The following CACNA2D1 variants were observed in gnomAD, a reference collection of about 807,000 sequenced individuals.
The protein encoded by CACNA2D1 is voltage-dependent calcium channel subunit alpha-2/delta-1.
A neutral mutation model predicts 171.5 loss-of-function variants in CACNA2D1; 53 were observed. That is an observed-to-expected ratio of 0.31 (90% confidence interval 0.25 to 0.39). CACNA2D1 has a LOEUF of 0.39. Among genes scored for constraint, CACNA2D1 ranks in the 10% least tolerant of loss-of-function variants. The pLI, the probability that CACNA2D1 is intolerant of heterozygous loss-of-function variation, is 1.00. For synonymous variants in CACNA2D1, 442 were observed against 443.1 expected (o/e 1.00, Z 0.03); for missense variants, 903 against 1,299.8 (o/e 0.69, Z 4.69).
rs546184227 is a variant in CACNA2D1, at chr7:82,249,530, C to T, written c.295-78921G>A. 3.3e-5 allele frequency among the ~76,000 whole-genome samples: 5 copies of T among 152,294 alleles called. No homozygotes were observed. In the South Asian group the frequency reaches 1.0e-3, roughly 32 times the overall value. On this transcript the variant is annotated intron_variant, in intron 3 of 38. Coordinates refer to ENST00000356860, the MANE Select transcript of CACNA2D1 (RefSeq NM_000722.4). ...AGAAAGACATTTCCTTGGTTCTTAA[C>T]TTCTTCATATGTTAGCATTATCTTT... is the stretch of plus-strand genomic sequence containing the variant.
chr7:82,405,646 A>T (rs1284410657), intron 1 of CACNA2D1, among the ~76,000 whole-genome samples: 1 of 152,190 alleles, frequency 6.6e-6, no homozygotes, highest in Non-Finnish European at 1.5e-5. Context: ...TATTAAAAAA[A>T]TGCAAATTAT....
rs974164305 is a variant in CACNA2D1, at chr7:82,429,058, T to A, written c.95+14307A>T. On this transcript the variant is annotated intron_variant, in intron 1 of 38. Coordinates refer to ENST00000356860, the MANE Select transcript of CACNA2D1 (RefSeq NM_000722.4). ...AAGTAAAATAATCAGCAGTTATATA[T>A]CACATCCACTTTGATGTTTCAGTTA... 4.6e-5 allele frequency among the ~76,000 whole-genome samples: 7 copies of A among 152,322 alleles called. No individual in the cohort carries two copies. In the East Asian group the frequency reaches 1.4e-3, roughly 29 times the overall value.
chr7:82,087,114 G>C (rs757040706), intron 6 of CACNA2D1, among the ~76,000 whole-genome samples: 1 of 152,136 alleles, frequency 6.6e-6, no homozygotes, highest in Non-Finnish European at 1.5e-5. Flanking sequence ...CAGAATGAAA[G>C]TATTGGCATT....
At chr7:82,273,569 C>G (rs1808918587) in intron 3 of CACNA2D1, among the ~76,000 whole-genome samples, 1 of 151,998 alleles carries the variant, frequency 6.6e-6, no homozygotes, top group Non-Finnish European at 1.5e-5. Flanking sequence ...CACACTGAGG[C>G]CTTGAACTCC....
intron 3 of CACNA2D1, among the ~76,000 whole-genome samples, chr7:82,328,216 G>A (rs1188237048): frequency 6.6e-6 from 1 of 152,090 alleles, no homozygotes; most frequent in African/African-American, 2.4e-5. Flanking sequence ...CAGACTCAAA[G>A]GCCTGGATAA....
At chr7:82,117,271 A>C in intron 5 of CACNA2D1, 98 bp from the exon 6 acceptor site, 1 of 1,164,224 alleles carries the variant, frequency 8.6e-7, no homozygotes, top group South Asian at 1.3e-5. Flanking sequence ...TTTTCAAAAA[A>C]TAAATCTACA....
intron 10 of CACNA2D1, among the ~76,000 whole-genome samples, chr7:82,054,662 G>C (rs956388363): frequency 6.6e-6 from 1 of 152,126 alleles, no homozygotes; most frequent in Non-Finnish European, 1.5e-5. Context: ...ATACCAACCA[G>C]TGTTCTTAGT....
At position 82,048,213 on chromosome 7, in the gene CACNA2D1, C is replaced by A. The variant is rs578008153; in HGVS notation, c.880-9978G>T. ...TCAATTTAACTCAGTTCCACTGAGA[C>A]AAATTATATACATCTGGAAAACTTA... On this transcript the variant is annotated intron_variant, in intron 10 of 38. Coordinates refer to ENST00000356860, the MANE Select transcript of CACNA2D1 (RefSeq NM_000722.4). Among the ~76,000 whole-genome samples the A allele has an allele frequency of 3.3e-5, 5 of 151,804 alleles. No homozygotes were observed. The South Asian group carries it at 8.3e-4, about 25-fold the overall frequency.
intron 6 of CACNA2D1, among the ~76,000 whole-genome samples, chr7:82,111,841 T>C (rs1788516053): frequency 6.6e-6 from 1 of 152,170 alleles, no homozygotes; most frequent in Non-Finnish European, 1.5e-5. Flanking sequence ...ATATAATCCA[T>C]ATTATTTTGT....
intron 3 of CACNA2D1, among the ~76,000 whole-genome samples, chr7:82,268,418 T>C (rs1430200363): frequency 2.0e-5 from 3 of 152,198 alleles, no homozygotes; most frequent in African/African-American, 2.4e-5. Flanking sequence ...GCAAAGGTAT[T>C]ACGGAGAGAA....
At chr7:81,986,583 G>A (rs1012312073) in intron 21 of CACNA2D1, among the ~76,000 whole-genome samples, 7 of 151,770 alleles carry the variant, frequency 4.6e-5, no homozygotes, top group Non-Finnish European at 1.0e-4. Flanking sequence ...AAAAGCAAGG[G>A]TTTATTTGCT....
intron 3 of CACNA2D1, among the ~76,000 whole-genome samples, chr7:82,312,060 A>G (rs1192210842): frequency 2.0e-5 from 3 of 152,204 alleles, no homozygotes; most frequent in Non-Finnish European, 2.9e-5. Context: ...AAAGTCTAAT[A>G]TGAAATTTCA....
intron 12 of CACNA2D1, among the ~76,000 whole-genome samples, chr7:82,030,227 C>A (rs1251259332): frequency 6.6e-6 from 1 of 151,514 alleles, no homozygotes; most frequent in Non-Finnish European, 1.5e-5. Flanking sequence ...AAGCTTTAAA[C>A]CCATAAATTC....
intron 3 of CACNA2D1, among the ~76,000 whole-genome samples, chr7:82,279,518 G>A (rs1213390161): frequency 2.0e-5 from 3 of 152,006 alleles, no homozygotes; most frequent in Non-Finnish European, 2.9e-5. Flanking sequence ...CTTCATCATC[G>A]ACTATTAATA....
rs1190840978 is a variant in CACNA2D1 at position 82,016,619 on chromosome 7, CCCCA to C, written c.1144-2144_1144-2141del. ...TAAACACTAGCCGCCCGCCCCCCCC[CCCCA>C]AAAAAAAAGCTTGTTGCTTTATTTA... On this transcript the variant is annotated intron_variant, in intron 12 of 38. Coordinates refer to ENST00000356860, the MANE Select transcript of CACNA2D1 (RefSeq NM_000722.4). 1.7e-3 allele frequency among the ~76,000 whole-genome samples: 214 copies of C among 124,500 alleles called. 6 individuals carry two copies. The highest frequency in any genetic ancestry group is 5.4e-3 in the African/African-American group (188 of 34,538). The allele number at this position is 124,500 out of a possible 152,430, so 81.7% of individuals were successfully genotyped here. A position where few individuals can be genotyped will look rare whatever the true frequency, so the allele number is the denominator to read the frequency against.
intron 1 of CACNA2D1, among the ~76,000 whole-genome samples, chr7:82,415,837 T>C (rs1213854282): frequency 7.4e-6 from 1 of 135,728 alleles, no homozygotes; most frequent in African/African-American, 2.8e-5. Flanking sequence ...GATCAGTATG[T>C]GTACACATAG....
chr7:82,280,326 A>G (rs556588787), intron 3 of CACNA2D1, among the ~76,000 whole-genome samples: 2 of 152,334 alleles, frequency 1.3e-5, no homozygotes, highest in African/African-American at 4.8e-5. Flanking sequence ...AAGTACTGAC[A>G]AATTATAATT....
Position 82,366,903 on chromosome 7 carries a change from C to CTTT in CACNA2D1, c.96-17257_96-17255dup, listed in dbSNP as rs71093376. 1.7e-3 allele frequency among the ~76,000 whole-genome samples: 144 copies of CTTT among 86,944 alleles called. 4 individuals are homozygous for CTTT. Among genetic ancestry groups the CTTT allele is most frequent in the Middle Eastern group, 9.4e-3 (1 of 106 alleles). 57.0% of individuals were successfully genotyped at this position (86,944 alleles called of 152,430 possible). ...CCTGCCAGCATCCACTGGTTTTGAC[C>CTTT]TTTTTTTTTTTTTTTTTTTTTTTGA... On this transcript the variant is annotated intron_variant, in intron 1 of 38. Coordinates refer to ENST00000356860, the MANE Select transcript of CACNA2D1 (RefSeq NM_000722.4).
chr7:82,309,053 T>A (rs561204006), intron 3 of CACNA2D1, among the ~76,000 whole-genome samples: 1 of 152,322 alleles, frequency 6.6e-6, no homozygotes, highest in East Asian at 1.9e-4. Context: ...ATCTGTTATG[T>A]ATATGTGATA....
Sources: gnomAD v4.1 joint callset for allele counts (sites outside exome capture counted in the v4.1 genomes callset) on GRCh38, gnomAD v4.1.1 for gene constraint, MANE v1.5 for transcripts, NCBI Gene and HGNC (gene_info 2026-07-23, HGNC 2026-07-21) for gene names.